PSME4: variants seen among roughly 807,000 people sequenced by gnomAD.
The protein encoded by PSME4 is proteasome activator complex subunit 4.
In PSME4, 89 loss-of-function variants were observed where a neutral mutation model predicts 253.9. The ratio of observed to expected loss-of-function variants is 0.35; its 90% CI spans 0.30 to 0.42. The LOEUF (loss-of-function observed/expected upper bound fraction) is 0.42. Ranked by LOEUF, PSME4 falls within the 10% of genes least tolerant of loss-of-function variation. The pLI is 1.00. For missense variants in PSME4, 2,014 were observed against 2,195.2 expected (o/e 0.92, Z 1.65); for synonymous variants, 851 against 759.2 (o/e 1.12, Z -1.99).
At chr2:53,970,163 A>G (rs1670986245) in intron 1 of PSME4, among the ~76,000 whole-genome samples, 1 of 152,180 alleles carries the variant, frequency 6.6e-6, no homozygotes, top group South Asian at 2.1e-4. Flanking sequence ...CCAAAGACAA[A>G]TTCTCTTTGC....
Position 53,954,221 on chromosome 2 carries a change from G to A in PSME4, c.243-4938C>T, listed in dbSNP as rs181748325. ...CACGCGCCTGCAAACCCAGCTACTC[G>A]GGAGTCTGAGGCAGGAGAATCGCTT... On this transcript the variant is annotated intron_variant, in intron 1 of 46. Coordinates refer to ENST00000404125, the MANE Select transcript of PSME4 (RefSeq NM_014614.3). 1.1e-4 allele frequency among the ~76,000 whole-genome samples: 17 copies of A among 152,224 alleles called. No individual in the cohort carries two copies. In the East Asian group the frequency reaches 2.9e-3, roughly 26 times the overall value.
At chr2:53,968,124 A>T (rs1404877577) in intron 1 of PSME4, among the ~76,000 whole-genome samples, 1 of 151,844 alleles carries the variant, frequency 6.6e-6, no homozygotes, top group Non-Finnish European at 1.5e-5. Context: ...AATACAAAAA[A>T]AGTAGCCAGG....
intron 1 of PSME4, among the ~76,000 whole-genome samples, chr2:53,967,280 T>C (rs141776959): frequency 0.016 from 2,403 of 152,230 alleles, 25 homozygotes; most frequent in Middle Eastern, 0.024. Flanking sequence ...TTTAAAAATA[T>C]AGAAATAACC....
chr2:53,884,689 C>T (rs1485614409), intron 41 of PSME4, among the ~76,000 whole-genome samples: 1 of 152,110 alleles, frequency 6.6e-6, no homozygotes, highest in Non-Finnish European at 1.5e-5. Flanking sequence ...TCTATATCCG[C>T]TTGGTATGTG....
intron 44 of PSME4, 50 bp downstream of exon 44, chr2:53,869,326 C>T: frequency 6.7e-7 from 1 of 1,497,056 alleles, no homozygotes; most frequent in Non-Finnish European, 9.1e-7. Flanking sequence ...GCCTGGTTAA[C>T]CCTCATTAAT....
At chr2:53,959,094 A>C (rs1468387305) in intron 1 of PSME4, among the ~76,000 whole-genome samples, 4 of 152,226 alleles carry the variant, frequency 2.6e-5, no homozygotes, top group African/African-American at 4.8e-5. Flanking sequence ...GGGCAGGTGG[A>C]CTGCTTGAGC....
At chr2:53,932,230 C>T (rs1668865986) in intron 9 of PSME4, 130 bp from the exon 10 acceptor site, 2 of 761,834 alleles carry the variant, frequency 2.6e-6, no homozygotes, top group Non-Finnish European at 4.3e-6. Context: ...CAAAGAACTG[C>T]ACAGCATAAC....
chr2:53,887,817 A>G (rs1266519816), intron 39 of PSME4, 41 bp downstream of exon 39: 3 of 1,516,888 alleles, frequency 2.0e-6, no homozygotes, highest in African/African-American at 2.8e-5. Flanking sequence ...AAAAACAAAC[A>G]AAGAACTCGA....
chr2:53,898,450 T>C (rs1680242029), intron 29 of PSME4, 96 bp from the exon 30 acceptor site: 1 of 964,428 alleles, frequency 1.0e-6, no homozygotes, highest in Non-Finnish European at 1.5e-6. Context: ...TCACCCTCCT[T>C]CCCCACTTAC....
chr2:53,949,340 T>A, intron 1 of PSME4, 57 bp from the exon 2 acceptor site: 1 of 1,169,504 alleles, frequency 8.6e-7, no homozygotes, highest in South Asian at 1.7e-5. Flanking sequence ...ACATCCATGT[T>A]CAATGCAGCA....
intron 6 of PSME4, 131 bp from the exon 7 acceptor site, chr2:53,936,292 T>C: frequency 7.7e-7 from 1 of 1,292,686 alleles, no homozygotes; most frequent in African/African-American, 1.5e-5. Context: ...AGTTTATGAC[T>C]TTGTTTTTTT....
chr2:53,878,923 AC>A (rs991416848), intron 41 of PSME4, among the ~76,000 whole-genome samples: 2 of 152,150 alleles, frequency 1.3e-5, no homozygotes, highest in Non-Finnish European at 2.9e-5. Flanking sequence ...GATCTCTGTG[AC>A]CCACACCCTA....
rs552167449 is a variant in PSME4 at position 53,932,170 on chromosome 2, T to C, written c.1051-70A>G. ...CGCATAGACATTCATGGTTGCTCTC[T>C]AGCTTCTTGAGAAAAGATTTTAAAA... On this transcript the variant is annotated intron_variant, in intron 9 of 46. Transcript: ENST00000404125. The C allele has an allele frequency of 7.9e-6, 11 of 1,397,436 alleles. No individual in the cohort carries two copies. The African/African-American group carries it at 1.2e-4, about 15-fold the overall frequency. The allele number at this position is 1,397,436 out of a possible 1,614,324, so 86.6% of individuals were successfully genotyped here. A position where few individuals can be genotyped will look rare whatever the true frequency, so the allele number is the denominator to read the frequency against.
intron 1 of PSME4, among the ~76,000 whole-genome samples, chr2:53,965,418 G>T (rs768911863): frequency 1.3e-5 from 2 of 151,950 alleles, no homozygotes; most frequent in African/African-American, 2.4e-5. Flanking sequence ...TTTTAGTAGA[G>T]ACAGGGTTTC....
At chr2:53,901,603 G>C in intron 27 of PSME4, 44 bp from the exon 28 acceptor site, 3 of 1,503,754 alleles carry the variant, frequency 2.0e-6, no homozygotes, top group Non-Finnish European at 2.7e-6. Flanking sequence ...GGAAATAAGA[G>C]GCATCATGTA....
rs754610045 is a variant in PSME4, at chr2:53,892,961, C to CT, written c.4039-2dup. The stretch of plus-strand genomic sequence containing the variant: ...CATCATCAAAATTCCTGAATATACC[C>CT]TATAAAAACAAAGACTGTTCTTCAG... On this transcript the variant is annotated splice_acceptor_variant, in intron 35 of 46. Coordinates refer to ENST00000404125, the MANE Select transcript of PSME4 (RefSeq NM_014614.3). LOFTEE classifies it high-confidence loss of function. The CT allele has an allele frequency of 6.8e-6, 11 of 1,608,422 alleles. No individual in the cohort carries two copies. The highest frequency in any genetic ancestry group is 8.5e-6 in the Non-Finnish European group (10 of 1,177,908).
rs1352718853 is a variant in PSME4 at position 53,970,777 on chromosome 2, G to C, written c.8C>G (p.Pro3Arg). The C allele has an allele frequency of 2.6e-6, 4 of 1,541,168 alleles. No individual in the cohort carries two copies. Among genetic ancestry groups the C allele is most frequent in the Non-Finnish European group, 3.5e-6 (4 of 1,144,082 alleles). MEPAERAGVGEPP... is the reference protein window; with the variant it reads MERAERAGVGEPP... ...CTCTCCGACTCCCGCCCGCTCGGCC[G>C]GCTCCATGAGCCCAGGGACACCCCC... Residue 3 changes from proline (P) to arginine (R), a missense_variant, in exon 1 of 47, where the codon CCG (proline) becomes CGG (arginine). Physicochemically the swap from Pro to Arg is moderately radical, Grantham distance 103. Around this residue, in one of 4 missense-constraint regions of PSME4, gnomAD observed 615 missense variants for 594.4 expected, o/e 1.03. Transcript: ENST00000404125.
intron 8 of PSME4, among the ~76,000 whole-genome samples, chr2:53,933,741 C>A (rs1668970548): frequency 6.6e-6 from 1 of 152,150 alleles, no homozygotes; most frequent in Non-Finnish European, 1.5e-5. Flanking sequence ...GAAAGCAGAG[C>A]AAAATTCACT....
intron 20 of PSME4, among the ~76,000 whole-genome samples, chr2:53,913,432 T>C (rs1433175768): frequency 6.6e-6 from 1 of 152,182 alleles, no homozygotes; most frequent in Non-Finnish European, 1.5e-5. Context: ...CATATGTAAA[T>C]GAAGGCTGGG....
Sources: allele counts gnomAD v4.1 joint callset (sites outside exome capture counted in the v4.1 genomes callset), GRCh38; gene constraint gnomAD v4.1.1; regional missense constraint gnomAD v4.1.1; transcripts MANE v1.5; gene names NCBI Gene and HGNC (gene_info 2026-07-23, HGNC 2026-07-21).